Variants in ARHGAP15 observed in about 807,000 individuals in gnomAD.
ARHGAP15 encodes rho GTPase-activating protein 15.
A neutral mutation model predicts 63.7 loss-of-function variants in ARHGAP15; 51 were observed. The ratio of observed to expected loss-of-function variants is 0.80; its 90% CI spans 0.64 to 1.01. The LOEUF (loss-of-function observed/expected upper bound fraction) is 1.01. Ranked by LOEUF, ARHGAP15 falls within the 50% of genes least tolerant of loss-of-function variation. ARHGAP15 has a pLI of 0.00. For missense variants in ARHGAP15, 560 were observed against 564.6 expected (o/e 0.99, Z 0.08); for synonymous variants, 191 against 193.8 (o/e 0.99, Z 0.12).
intron 6 of ARHGAP15, among the ~76,000 whole-genome samples, chr2:143,340,517 G>T (rs1685011374): frequency 8.8e-6 from 1 of 113,082 alleles, no homozygotes; most frequent in South Asian, 2.8e-4. Flanking sequence ...TTTAATGGCA[G>T]ATTTTTTCTC....
chr2:143,444,704 A>C (rs1270997002), intron 8 of ARHGAP15, among the ~76,000 whole-genome samples: 1 of 152,282 alleles, frequency 6.6e-6, no homozygotes, highest in African/African-American at 2.4e-5. Flanking sequence ...TTGTTAACAC[A>C]TGGAATCTTT....
intron 6 of ARHGAP15, among the ~76,000 whole-genome samples, chr2:143,374,168 A>G (rs1686704232): frequency 6.6e-6 from 1 of 152,204 alleles, no homozygotes; most frequent in African/African-American, 2.4e-5. Context: ...TGGGTGAAAT[A>G]AAATCCGGTG....
At chr2:143,218,299 T>TG (rs1692845685) in intron 4 of ARHGAP15, among the ~76,000 whole-genome samples, 3 of 144,688 alleles carry the variant, frequency 2.1e-5, no homozygotes, top group Admixed American at 2.1e-4. Flanking sequence ...TTTTTTTTTT[T>TG]GTTGCTGCTG....
intron 6 of ARHGAP15, among the ~76,000 whole-genome samples, chr2:143,295,971 G>A (rs1399305935): frequency 6.6e-6 from 1 of 151,952 alleles, no homozygotes; most frequent in African/African-American, 2.4e-5. Flanking sequence ...GTGCCTCGCT[G>A]TCACCACATT....
intron 8 of ARHGAP15, among the ~76,000 whole-genome samples, chr2:143,482,261 GAAAA>G (rs147731011): frequency 6.8e-6 from 1 of 146,976 alleles, no homozygotes; most frequent in Non-Finnish European, 1.5e-5. Context: ...AGTGGGAATG[GAAAA>G]AAAAAACTAC....
rs76350745 is a variant in ARHGAP15 at position 143,387,520 on chromosome 2, A to G, written c.475-48081A>G. On this transcript the variant is annotated intron_variant, in intron 6 of 13. Transcript: ENST00000295095. Reference sequence around the variant, plus strand: ...GCCCTGTTGTATACTCTTTTCAATTATTAGTCAACAGATTCACAAAATGAA... The same window carrying G: ...GCCCTGTTGTATACTCTTTTCAATTGTTAGTCAACAGATTCACAAAATGAA... Among the ~76,000 whole-genome samples, 362 of 152,290 alleles carry G rather than the reference A, an allele frequency of 2.4e-3. 3 individuals are homozygous for G. The highest frequency in any genetic ancestry group is 2.7e-3 in the South Asian group (13 of 4,828).
At chr2:143,720,548 T>C (rs1287652080) in intron 13 of ARHGAP15, among the ~76,000 whole-genome samples, 1 of 152,084 alleles carries the variant, frequency 6.6e-6, no homozygotes, top group Non-Finnish European at 1.5e-5. Flanking sequence ...GCCGTGTGAC[T>C]CATTCACCAA....
chr2:143,604,394 C>T (rs1329743859), intron 11 of ARHGAP15, among the ~76,000 whole-genome samples: 1 of 152,152 alleles, frequency 6.6e-6, no homozygotes, highest in African/African-American at 2.4e-5. Context: ...GCAGAGGAGT[C>T]GTCACAATTA....
At chr2:143,216,104 A>G (rs1692747382) in intron 3 of ARHGAP15, among the ~76,000 whole-genome samples, 1 of 152,204 alleles carries the variant, frequency 6.6e-6, no homozygotes, top group Non-Finnish European at 1.5e-5. Context: ...TCAATTTTTT[A>G]AACAAGTGAC....
chr2:143,538,878 G>A (rs1249570771), intron 10 of ARHGAP15, among the ~76,000 whole-genome samples: 1 of 152,184 alleles, frequency 6.6e-6, no homozygotes, highest in Non-Finnish European at 1.5e-5. Flanking sequence ...TTGGTATCAG[G>A]ACGATGCTGG....
intron 12 of ARHGAP15, among the ~76,000 whole-genome samples, chr2:143,643,801 G>A (rs1680732350): frequency 6.6e-6 from 1 of 152,082 alleles, no homozygotes; most frequent in African/African-American, 2.4e-5. Flanking sequence ...AACGGTCTTG[G>A]AAGAAATAGA....
At chr2:143,346,274 ACT>A (rs1553467354) in intron 6 of ARHGAP15, among the ~76,000 whole-genome samples, 1 of 150,142 alleles carries the variant, frequency 6.7e-6, no homozygotes, top group Non-Finnish European at 1.5e-5. Flanking sequence ...ACACACACAC[ACT>A]CACAAACACA....
intron 6 of ARHGAP15, among the ~76,000 whole-genome samples, chr2:143,333,756 G>T (rs1684650699): frequency 6.6e-6 from 1 of 152,086 alleles, no homozygotes; most frequent in Non-Finnish European, 1.5e-5. Context: ...ATAGCATTAG[G>T]CACAGAAACA....
intron 6 of ARHGAP15, among the ~76,000 whole-genome samples, chr2:143,404,186 C>T (rs1028473292): frequency 1.6e-4 from 25 of 151,774 alleles, no homozygotes; most frequent in African/African-American, 5.6e-4. Flanking sequence ...GATTCTGAAC[C>T]TTGAAGGACA....
intron 12 of ARHGAP15, among the ~76,000 whole-genome samples, chr2:143,660,622 G>A (rs1681713506): frequency 6.6e-6 from 1 of 152,180 alleles, no homozygotes; most frequent in South Asian, 2.1e-4. Context: ...TCAATGAACT[G>A]TACATGTGAT....
chr2:143,285,148 G>A (rs775589472), intron 6 of ARHGAP15, among the ~76,000 whole-genome samples: 2 of 152,008 alleles, frequency 1.3e-5, no homozygotes, highest in Non-Finnish European at 2.9e-5. Flanking sequence ...TTATCCAATG[G>A]TTACTTAAAA....
chr2:143,178,898 T>G (rs952757753), intron 2 of ARHGAP15, among the ~76,000 whole-genome samples: 17 of 152,280 alleles, frequency 1.1e-4, no homozygotes, highest in Non-Finnish European at 2.2e-4. Context: ...GCACCGCTTT[T>G]CATCGCCAGT....
chr2:143,624,314 C>A, intron 12 of ARHGAP15, 47 bp downstream of exon 12: 13 of 1,560,354 alleles, frequency 8.3e-6, no homozygotes, highest in Non-Finnish European at 1.1e-5. Context: ...ACCTGACATC[C>A]TGGAATTATT....
chr2:143,365,116 C>G (rs764943947), intron 6 of ARHGAP15, among the ~76,000 whole-genome samples: 1 of 152,074 alleles, frequency 6.6e-6, no homozygotes, highest in African/African-American at 2.4e-5. Flanking sequence ...GTAGTACACC[C>G]GAATAAGGAA....
Sources: allele counts gnomAD v4.1 joint callset (sites outside exome capture counted in the v4.1 genomes callset), GRCh38; gene constraint gnomAD v4.1.1; transcripts MANE v1.5; gene names NCBI Gene and HGNC (gene_info 2026-07-23, HGNC 2026-07-21).